Variants in EMILIN2 observed in about 807,000 individuals in gnomAD.
EMILIN2 encodes EMILIN-2.
In EMILIN2, 71 loss-of-function variants were observed where a neutral mutation model predicts 87.1. That is an observed-to-expected ratio of 0.82 (90% CI 0.67 to 0.99). The LOEUF (loss-of-function observed/expected upper bound fraction) is 0.99. Among genes scored for constraint, EMILIN2 ranks in the 50% least tolerant of loss-of-function variants. The pLI, the probability that EMILIN2 is intolerant of heterozygous loss-of-function variation, is 0.00. For missense variants in EMILIN2, 1,407 were observed against 1,371.8 expected, an observed-to-expected ratio of 1.03 and a Z score of -0.40; for synonymous variants, 581 against 563.4, an observed-to-expected ratio of 1.03 and a Z score of -0.44.
At chr18:2,873,049 T>A (rs1256375138) in intron 2 of EMILIN2, among the ~76,000 whole-genome samples, 10 of 131,472 alleles carry the variant, frequency 7.6e-5, no homozygotes, top group South Asian at 2.4e-4. Flanking sequence ...TTATGTGATT[T>A]AAAAAAAAAA....
chr18:2,855,405 T>C (rs573635821), intron 2 of EMILIN2, among the ~76,000 whole-genome samples: 1 of 152,218 alleles, frequency 6.6e-6, no homozygotes, highest in Non-Finnish European at 1.5e-5. Context: ...GGGGCTACAC[T>C]TTCTACCTTC....
intron 2 of EMILIN2, among the ~76,000 whole-genome samples, chr18:2,870,169 A>T (rs952616125): frequency 6.6e-6 from 1 of 152,142 alleles, no homozygotes; most frequent in Non-Finnish European, 1.5e-5. Flanking sequence ...TGGGCTGGGG[A>T]GGTTGAGGCT....
Position 2,892,201 on chromosome 18 carries a change from AC to A in EMILIN2, c.2075del (p.Thr692SerfsTer53). The A allele has an allele frequency of 6.2e-7, 1 of 1,607,662 alleles. No individual in the cohort carries two copies. The highest frequency in any genetic ancestry group is 8.5e-7 in the Non-Finnish European group (1 of 1,175,712). On this transcript the variant is annotated frameshift_variant, in exon 4 of 8. Coordinates refer to ENST00000254528, the MANE Select transcript of EMILIN2 (RefSeq NM_032048.3). LOFTEE classifies it high-confidence loss of function. ...GGAGCTGGATGCTTGTAAGGAATGC[AC>A]GCAGGGGGTCCAGAGGGAGGTCTCC... Reference protein sequence around the residue: ...ISELDACKECTQGVQREVSMV... With the variant: ...ISELDACKECXQGVQREVSMV...
chr18:2,858,583 G>GTATATATATA (rs1555665466), intron 2 of EMILIN2, among the ~76,000 whole-genome samples: 934 of 62,912 alleles, frequency 0.015, 46 homozygotes, highest in Non-Finnish European at 0.019. Context: ...GTGTGTGTGT[G>GTATATATATA]TATATATATA....
At chr18:2,902,541 C>A (rs1297138402) in intron 4 of EMILIN2, among the ~76,000 whole-genome samples, 1 of 152,032 alleles carries the variant, frequency 6.6e-6, no homozygotes, top group Non-Finnish European at 1.5e-5. Context: ...CTGGAAGAGG[C>A]CATTTCAGGG....
intron 2 of EMILIN2, among the ~76,000 whole-genome samples, chr18:2,854,786 A>C (rs530533723): frequency 6.6e-6 from 1 of 152,264 alleles, no homozygotes; most frequent in East Asian, 1.9e-4. Flanking sequence ...AGAGTCAAAA[A>C]CAAAACAAAC....
At chr18:2,906,328 C>T in intron 4 of EMILIN2, 1 of 154,098 alleles carries the variant, frequency 6.5e-6, no homozygotes, top group Non-Finnish European at 1.4e-5. Context: ...CTCCGCGCAG[C>T]CCTGGGGCCC....
intron 4 of EMILIN2, among the ~76,000 whole-genome samples, chr18:2,905,571 T>C (rs572583977): frequency 6.6e-6 from 1 of 152,094 alleles, no homozygotes; most frequent in East Asian, 1.9e-4. Flanking sequence ...TATCAGATAC[T>C]AGATCTTATT....
chr18:2,872,150 G>A (rs754584706), intron 2 of EMILIN2, among the ~76,000 whole-genome samples: 9 of 152,128 alleles, frequency 5.9e-5, no homozygotes, highest in Non-Finnish European at 7.3e-5. Context: ...GAATACTGAC[G>A]GCTCAAGAAA....
rs114326676 is a variant in EMILIN2, at chr18:2,913,248, C to T, written c.3006C>T (p.Cys1002=). ...YHRPPGALHT[C]GGPGAFHLIV... Reference sequence around the variant, plus strand: ...GCCCTCCAGGAGCTTTGCATACCTGCGGGGGCCCGGGGGCATTCCACCTCA... The same window carrying T: ...GCCCTCCAGGAGCTTTGCATACCTGTGGGGGCCCGGGGGCATTCCACCTCA... Residue 1002 remains cysteine, a synonymous_variant, in exon 8 of 8, where the codon TGC becomes TGT. Transcript: ENST00000254528. 719 of 1,613,848 alleles carry T rather than the reference C, an allele frequency of 4.5e-4. 4 individuals carry two copies. The African/African-American group carries it at 7.5e-3, about 17-fold the overall frequency.
chr18:2,869,345 G>A (rs898228271), intron 2 of EMILIN2, among the ~76,000 whole-genome samples: 1 of 151,682 alleles, frequency 6.6e-6, no homozygotes, highest in Non-Finnish European at 1.5e-5. Flanking sequence ...AAGTTGTACA[G>A]TTTAATATTT....
At position 2,852,819 on chromosome 18, in the gene EMILIN2, C is replaced by T. The variant is rs1465014658; in HGVS notation, c.257+4888C>T. ...TAGGCGTGAGCCATTGCACCTGGCC[C>T]GCAATAATAATTCTTAACACCTATA... On this transcript the variant is annotated intron_variant, in intron 2 of 7. Coordinates refer to ENST00000254528, the MANE Select transcript of EMILIN2 (RefSeq NM_032048.3). Among the ~76,000 whole-genome samples the T allele has an allele frequency of 2.6e-5, 4 of 152,218 alleles. No homozygotes were observed. The South Asian group carries it at 6.2e-4, about 24-fold the overall frequency.
At chr18:2,874,216 C>T (rs2076736381) in intron 2 of EMILIN2, among the ~76,000 whole-genome samples, 1 of 151,420 alleles carries the variant, frequency 6.6e-6, no homozygotes, top group African/African-American at 2.4e-5. Flanking sequence ...TAGTTGATTA[C>T]TTCTTGTTGT....
intron 4 of EMILIN2, among the ~76,000 whole-genome samples, chr18:2,900,158 C>A (rs1019365617): frequency 6.6e-6 from 1 of 151,572 alleles, no homozygotes; most frequent in Admixed American, 6.6e-5. Context: ...AAACCAAATT[C>A]AAAAACAGCA....
intron 3 of EMILIN2, among the ~76,000 whole-genome samples, chr18:2,888,323 TC>T (rs2076813012): frequency 6.6e-6 from 1 of 152,218 alleles, no homozygotes; most frequent in African/African-American, 2.4e-5. Flanking sequence ...ACATCCTCAA[TC>T]TTCCCCCCTT....
At chr18:2,846,748 G>T, upstream of EMILIN2, 1 of 985,414 alleles carries the variant, frequency 1.0e-6, no homozygotes, top group Non-Finnish European at 1.2e-6. The surrounding 1 kb of genome is among the most constrained non-coding windows in gnomAD (Gnocchi z 5.3). Flanking sequence ...TCGGAAGGTG[G>T]GAGGCGGAGT....
At chr18:2,912,559 GCCA>G (rs1197501403) in intron 7 of EMILIN2, among the ~76,000 whole-genome samples, 2 of 152,232 alleles carry the variant, frequency 1.3e-5, no homozygotes, top group Middle Eastern at 3.4e-3. Context: ...CTCACCTTTG[GCCA>G]CCACTTCCTT....
At chr18:2,882,555 G>A (rs2076778512) in intron 2 of EMILIN2, among the ~76,000 whole-genome samples, 1 of 152,022 alleles carries the variant, frequency 6.6e-6, no homozygotes, top group South Asian at 2.1e-4. Context: ...GACCAGCCTG[G>A]GCAACATAGT....
rs2076963404 is a variant in EMILIN2 at position 2,915,521 on chromosome 18, A to T, written c.*2117A>T. 1 of 132,814 alleles carries T rather than the reference A, an allele frequency of 7.5e-6. No homozygotes were observed. The highest frequency in any genetic ancestry group is 2.6e-4 in the South Asian group (1 of 3,906). 8.2% of individuals were successfully genotyped at this position (132,814 alleles called of 1,614,324 possible). A position where few individuals can be genotyped will look rare whatever the true frequency, so the allele number is the denominator to read the frequency against. On this transcript the variant is annotated 3_prime_UTR_variant, in exon 8 of 8. Coordinates refer to ENST00000254528, the MANE Select transcript of EMILIN2 (RefSeq NM_032048.3). ...GAGACAGAATCAGGCACAAGTTCACAACTTTTTTTTTTTTTTGGGGGGAGA... is the reference window on the plus strand; with the variant it reads ...GAGACAGAATCAGGCACAAGTTCACTACTTTTTTTTTTTTTTGGGGGGAGA...
Sources: gnomAD v4.1 joint callset for allele counts (sites outside exome capture counted in the v4.1 genomes callset) on GRCh38, gnomAD v4.1.1 for gene constraint, Gnocchi (gnomAD v3.1) non-coding constraint, MANE v1.5 for transcripts, NCBI Gene and HGNC (gene_info 2026-07-23, HGNC 2026-07-21) for gene names.